Variants in RHEX observed in about 807,000 individuals in gnomAD.
RHEX encodes the protein regulator of hemoglobinization and erythroid cell expansion protein.
Under a neutral mutation model 20.1 loss-of-function variants are expected in RHEX, and 18 were observed. That is an observed-to-expected ratio of 0.90 (90% CI 0.62 to 1.33). The LOEUF is 1.33. RHEX is among the 40% of genes most tolerant of loss of function. RHEX has a pLI of 0.00. For missense variants in RHEX, 192 were observed against 214.3 expected, an observed-to-expected ratio of 0.90 and a Z score of 0.65; for synonymous variants, 87 against 77.1, an observed-to-expected ratio of 1.13 and a Z score of -0.67.
intron 1 of RHEX, among the ~76,000 whole-genome samples, chr1:206,059,994 C>A (rs1171916272): frequency 6.6e-6 from 1 of 152,144 alleles, no homozygotes; most frequent in Non-Finnish European, 1.5e-5. Context: ...ATCTCTTTTT[C>A]TGGACCTCCT....
intron 1 of RHEX, among the ~76,000 whole-genome samples, chr1:206,092,457 C>T (rs115545509): frequency 0.015 from 2,278 of 152,276 alleles, 55 homozygotes; most frequent in African/African-American, 0.052. Context: ...AGAGAATGAG[C>T]TGGGATTTGA....
In RHEX at chr1:206,102,198, G is replaced by T; in HGVS notation, c.*246G>T. 1.9e-6 allele frequency: 1 copy of T among 531,126 alleles called. No individual in the cohort carries two copies. The highest frequency in any genetic ancestry group is 3.4e-6 in the Non-Finnish European group (1 of 298,030). The allele number at this position is 531,126 out of a possible 1,614,324, so 32.9% of individuals were successfully genotyped here. A position where few individuals can be genotyped will look rare whatever the true frequency, so the allele number is the denominator to read the frequency against. On this transcript the variant is annotated 3_prime_UTR_variant, in exon 6 of 6. Coordinates refer to ENST00000331555, the MANE Select transcript of RHEX (RefSeq NM_001007544.4). The stretch of plus-strand genomic sequence containing the variant: ...AAACAAGGCTTGGCTGGGAAAACAG[G>T]CCAATGCCCCGGCAAGAAAGGTTGA...
chr1:206,092,042 TTCTCTCTTTCTCTC>T lies in RHEX; in HGVS notation c.-96-5673_-96-5660del, dbSNP rs150880173. Reference sequence around the variant, plus strand: ...TATTTATTTATTTATTTCTCTTTCTTTCTCTCTTTCTCTCTCTCTCTTTCTCTCTCTTTCTTTCT... The same window carrying T: ...TATTTATTTATTTATTTCTCTTTCTTTCTCTCTTTCTCTCTCTTTCTTTCT... On this transcript the variant is annotated intron_variant, in intron 1 of 5. Transcript: ENST00000331555. Among the ~76,000 whole-genome samples the T allele has an allele frequency of 1.9e-4, 29 of 150,882 alleles. 1 individual carries two copies. In the East Asian group the frequency reaches 2.1e-3, roughly 11 times the overall value.
chr1:206,074,915 A>G (rs1662602540), intron 1 of RHEX, among the ~76,000 whole-genome samples: 1 of 152,218 alleles, frequency 6.6e-6, no homozygotes, highest in African/African-American at 2.4e-5. Flanking sequence ...CCCTTCACCC[A>G]GGCACACCCA....
chr1:206,085,196 A>G (rs1447512673), intron 1 of RHEX, among the ~76,000 whole-genome samples: 1 of 152,176 alleles, frequency 6.6e-6, no homozygotes, highest in African/African-American at 2.4e-5. Context: ...AACATTTATT[A>G]TATGCAAATT....
At chr1:206,072,392 G>A (rs981250022) in intron 1 of RHEX, among the ~76,000 whole-genome samples, 3 of 152,072 alleles carry the variant, frequency 2.0e-5, no homozygotes, top group Admixed American at 1.3e-4. Context: ...TGGCTAACAC[G>A]GTGAAACCCT....
chr1:206,080,301 T>C (rs1029168789), intron 1 of RHEX: 1 of 152,242 alleles, frequency 6.6e-6, no homozygotes, highest in Non-Finnish European at 1.5e-5. Context: ...GCAGTCTTAT[T>C]ATTATTTTGC....
chr1:206,099,779 G>A lies in RHEX; in HGVS notation c.237G>A (p.Met79Ile). 6.2e-7 allele frequency: 1 copy of A among 1,614,102 alleles called. No individual in the cohort carries two copies. Among genetic ancestry groups the A allele is most frequent in the Non-Finnish European group, 8.5e-7 (1 of 1,179,976 alleles). Residue 79 changes from methionine to isoleucine, a missense_variant, in exon 4 of 6, where the codon ATG becomes ATA. Met to Ile is a conservative substitution (Grantham distance 10). Coordinates refer to ENST00000331555, the MANE Select transcript of RHEX (RefSeq NM_001007544.4). ...KETQTERDIP[M>I]SDSLYRHDSD... ...CTCAGACAGAGAGAGACATCCCAAT[G>A]TCTGATTCCCTTTACAGGCGTGAGT...
At chr1:206,094,841 A>G (rs1663034483) in intron 1 of RHEX, among the ~76,000 whole-genome samples, 1 of 152,198 alleles carries the variant, frequency 6.6e-6, no homozygotes, top group Non-Finnish European at 1.5e-5. Context: ...CTCAGAATAT[A>G]TTAAAATGTG....
intron 1 of RHEX, among the ~76,000 whole-genome samples, chr1:206,060,218 T>A (rs1662283993): frequency 6.6e-6 from 1 of 152,186 alleles, no homozygotes; most frequent in Admixed American, 6.5e-5. Flanking sequence ...TAATGATTGT[T>A]CCTATCTCAG....
chr1:206,067,805 A>G lies in RHEX; in HGVS notation c.-97+14540A>G, dbSNP rs150712499. On this transcript the variant is annotated intron_variant, in intron 1 of 5. Transcript: ENST00000331555. This position sits in a 1 kb window ranked among gnomAD's most constrained non-coding sequence, Gnocchi z 4.6. ...GCTGCCCATTGCCTCCTTGCAACAT[A>G]TTCTCCCTGTAATGAGCTTGCTTTC... Among the ~76,000 whole-genome samples, 314 of 152,176 alleles carry G rather than the reference A, an allele frequency of 2.1e-3. 1 individual carries two copies. Among genetic ancestry groups the G allele is most frequent in the African/African-American group, 7.3e-3 (301 of 41,492 alleles).
At chr1:206,054,759 AAC>A (rs1179011721) in intron 1 of RHEX, among the ~76,000 whole-genome samples, 4 of 152,402 alleles carry the variant, frequency 2.6e-5, no homozygotes, top group Admixed American at 6.5e-5. Context: ...TAAAATTAAT[AAC>A]ACACTAATAT....
intron 1 of RHEX, among the ~76,000 whole-genome samples, chr1:206,057,100 G>A (rs1412188297): frequency 3.3e-5 from 5 of 152,226 alleles, no homozygotes; most frequent in African/African-American, 4.8e-5. Flanking sequence ...GTTCAAAAAC[G>A]TTCTCCAGAA....
chr1:206,080,174 G>A (rs2102318624), intron 1 of RHEX: 1 of 152,332 alleles, frequency 6.6e-6, no homozygotes, highest in East Asian at 1.9e-4. Flanking sequence ...ATGCAAGTAT[G>A]CAGACAAGGC....
rs149814672 is a variant in RHEX at position 206,077,189 on chromosome 1, C to G, written c.-96-20544C>G. Among the ~76,000 whole-genome samples, 326 of 152,176 alleles carry G rather than the reference C, an allele frequency of 2.1e-3. 4 individuals are homozygous for G. Among genetic ancestry groups the G allele is most frequent in the African/African-American group, 7.1e-3 (295 of 41,502 alleles). On this transcript the variant is annotated intron_variant, in intron 1 of 5. Coordinates refer to ENST00000331555, the MANE Select transcript of RHEX (RefSeq NM_001007544.4). ...GTGCATGCCTGGAATGAACTCTGGC[C>G]TGCAACTGTGTTCAGTGATGATGGT...
At chr1:206,072,884 T>C in intron 1 of RHEX, among the ~76,000 whole-genome samples, 1 of 144,628 alleles carries the variant, frequency 6.9e-6, no homozygotes, top group African/African-American at 2.6e-5. Context: ...TAGGCTGGAG[T>C]GCAGTGGTGT....
chr1:206,099,733 C>G lies in RHEX; in HGVS notation c.191C>G (p.Ala64Gly). 1 of 1,613,870 alleles carries G rather than the reference C, an allele frequency of 6.2e-7. No individual in the cohort carries two copies. ...RPSPGHHHPP[A>G]VKEMKETQTE... The stretch of plus-strand genomic sequence containing the variant: ...AGCCCTGGCCACCATCATCCACCTG[C>G]TGTCAAAGAGATGAAGGAGACTCAG... Residue 64 changes from alanine (A) to glycine (G), a missense_variant, in exon 4 of 6, where the codon GCT becomes GGT. By Grantham distance (60) the Ala-to-Gly change is moderately conservative. Transcript: ENST00000331555.
chr1:206,053,725 G>T (rs1553282109), intron 1 of RHEX, among the ~76,000 whole-genome samples: 1 of 152,220 alleles, frequency 6.6e-6, no homozygotes, highest in Non-Finnish European at 1.5e-5. Context: ...AGCCTGGACA[G>T]GTCCCTTGTT....
At chr1:206,100,171 G>GCT (rs1469755036) in intron 4 of RHEX, among the ~76,000 whole-genome samples, 9 of 152,220 alleles carry the variant, frequency 5.9e-5, no homozygotes, top group African/African-American at 2.2e-4. Context: ...CGTGGCTGCT[G>GCT]CTATGTCAGT....
Sources: allele counts gnomAD v4.1 joint callset (sites outside exome capture counted in the v4.1 genomes callset), GRCh38; gene constraint gnomAD v4.1.1; non-coding constraint Gnocchi (gnomAD v3.1); transcripts MANE v1.5; gene names NCBI Gene and HGNC (gene_info 2026-07-23, HGNC 2026-07-21).